ARHGAP1: variants seen among roughly 807,000 people sequenced by gnomAD.
ARHGAP1 encodes the protein Rho GTPase activating protein 1.
A neutral mutation model predicts 52.2 loss-of-function variants in ARHGAP1; 23 were observed. The ratio of observed to expected loss-of-function variants is 0.44; its 90% confidence interval spans 0.32 to 0.62. The LOEUF (loss-of-function observed/expected upper bound fraction) is 0.62, where lower values mean the gene tolerates loss of function less well. Ranked by LOEUF, ARHGAP1 falls within the 20% of genes least tolerant of loss-of-function variation. The pLI, the probability that ARHGAP1 is intolerant of heterozygous loss-of-function variation, is 0.05. For synonymous variants in ARHGAP1, 210 were observed against 228.4 expected, an observed-to-expected ratio of 0.92 and a Z score of 0.73; for missense variants, 480 against 560.9, an observed-to-expected ratio of 0.86 and a Z score of 1.46.
At chr11:46,694,293 C>T (rs2064636173) in intron 3 of ARHGAP1, among the ~76,000 whole-genome samples, 1 of 152,082 alleles carries the variant, frequency 6.6e-6, no homozygotes, top group African/African-American at 2.4e-5. Context: ...GACTCCCAGG[C>T]ACCACCAACT....
chr11:46,690,462 C>T (rs897207783), intron 3 of ARHGAP1, among the ~76,000 whole-genome samples: 3 of 152,066 alleles, frequency 2.0e-5, no homozygotes, highest in African/African-American at 7.2e-5. Context: ...GAACTCCTGG[C>T]TTTAGGTGAT....
intron 4 of ARHGAP1, among the ~76,000 whole-genome samples, chr11:46,684,046 G>A (rs1347907948): frequency 6.6e-6 from 1 of 152,152 alleles, no homozygotes; most frequent in South Asian, 2.1e-4. Context: ...CCAAGGGGAG[G>A]CAGGGAAGGA....
intron 4 of ARHGAP1, among the ~76,000 whole-genome samples, chr11:46,682,571 C>T (rs1341831516): frequency 6.6e-6 from 1 of 152,172 alleles, no homozygotes; most frequent in Non-Finnish European, 1.5e-5. Flanking sequence ...GTAATCCCAG[C>T]TACTCAGGAG....
At chr11:46,690,274 C>T (rs945161048) in intron 3 of ARHGAP1, among the ~76,000 whole-genome samples, 6 of 152,002 alleles carry the variant, frequency 3.9e-5, no homozygotes, top group Admixed American at 6.6e-5. Flanking sequence ...GTAGTCCCAG[C>T]TACTCGGGAG....
At chr11:46,695,339 G>C (rs1291152893) in intron 3 of ARHGAP1, 2 of 393,132 alleles carry the variant, frequency 5.1e-6, no homozygotes, top group African/African-American at 4.2e-5. Context: ...ACATTAGGGT[G>C]GAGGGGTAGG....
intron 4 of ARHGAP1, among the ~76,000 whole-genome samples, chr11:46,684,830 G>A (rs1430917861): frequency 6.6e-6 from 1 of 152,164 alleles, no homozygotes; most frequent in East Asian, 1.9e-4. Context: ...CCTCACGCCT[G>A]TAATCCCAGC....
intron 4 of ARHGAP1, 82 bp downstream of exon 4, chr11:46,688,091 G>C (rs2064584845): frequency 1.4e-6 from 2 of 1,396,288 alleles, no homozygotes; most frequent in Middle Eastern, 1.8e-4. Context: ...CCCACAGGCA[G>C]GGAGGGACAG....
intron 4 of ARHGAP1, among the ~76,000 whole-genome samples, chr11:46,683,793 A>G (rs190956762): frequency 5.9e-4 from 90 of 152,238 alleles, no homozygotes; most frequent in African/African-American, 2.0e-3. Flanking sequence ...GGCATGTGCC[A>G]CCACGCCCAG....
intron 3 of ARHGAP1, chr11:46,695,212 C>A (rs1401312604): frequency 1.4e-5 from 5 of 345,920 alleles, no homozygotes; most frequent in Non-Finnish European, 2.9e-5. Context: ...AGCCATGTGC[C>A]CCCTCCCCAT....
Position 46,680,850 on chromosome 11 carries a change from G to T in ARHGAP1, c.636-103C>A, listed in dbSNP as rs901063418. The T allele has an allele frequency of 1.9e-5, 21 of 1,084,462 alleles. No homozygotes were observed. The South Asian group carries it at 2.9e-4, about 15-fold the overall frequency. 67.2% of individuals were successfully genotyped at this position (1,084,462 alleles called of 1,614,324 possible). A position where few individuals can be genotyped will look rare whatever the true frequency, so the allele number is the denominator to read the frequency against. ...CGCGGGGTCAGGAGGATCATCTCAT[G>T]CGATCTCTGTAACAACTCCGCTTTC... On this transcript the variant is annotated intron_variant, in intron 7 of 12. Transcript: ENST00000311956. This position sits in a 1 kb window ranked among gnomAD's most constrained non-coding sequence, Gnocchi z 5.9.
chr11:46,696,191 C>T lies in ARHGAP1; in HGVS notation c.-49-35G>A, dbSNP rs1040276930. 3 of 1,467,240 alleles carry T rather than the reference C, an allele frequency of 2.0e-6. No homozygotes were observed. The highest frequency in any genetic ancestry group is 2.5e-5 in the East Asian group (1 of 40,450). The allele number at this position is 1,467,240 out of a possible 1,614,324, so 90.9% of individuals were successfully genotyped here. ...AGGAAGACAGGTGGCAGGTCAGTGA[C>T]CTGCTCTTTTCACCTTCTGCGACCT... On this transcript the variant is annotated intron_variant, in intron 1 of 12. Coordinates refer to ENST00000311956, the MANE Select transcript of ARHGAP1 (RefSeq NM_004308.5). The surrounding 1 kb of genome is among the most constrained non-coding windows in gnomAD (Gnocchi z 4.8).
intron 4 of ARHGAP1, among the ~76,000 whole-genome samples, chr11:46,686,376 G>T (rs2064568602): frequency 6.6e-6 from 1 of 152,194 alleles, no homozygotes; most frequent in African/African-American, 2.4e-5. Flanking sequence ...AAGAGGTGCA[G>T]AGCTGAAGTT....
chr11:46,677,917 C>G lies in ARHGAP1; in HGVS notation c.*1120G>C, dbSNP rs545612403. ...CGAGATCGCGCCACTGCACTCCAGCCTGGTGACAGAGCGAGACTCCATCTC... is the reference window on the plus strand; with the variant it reads ...CGAGATCGCGCCACTGCACTCCAGCGTGGTGACAGAGCGAGACTCCATCTC... On this transcript the variant is annotated 3_prime_UTR_variant, in exon 13 of 13. Coordinates refer to ENST00000311956, the MANE Select transcript of ARHGAP1 (RefSeq NM_004308.5). 2.3e-6 allele frequency: 1 copy of G among 434,178 alleles called. No homozygotes were observed. The highest frequency in any genetic ancestry group is 2.7e-5 in the Admixed American group (1 of 36,704). 26.9% of individuals were successfully genotyped at this position (434,178 alleles called of 1,614,324 possible). A position where few individuals can be genotyped will look rare whatever the true frequency, so the allele number is the denominator to read the frequency against.
Position 46,695,957 on chromosome 11 carries a change from G to A in ARHGAP1, c.133+18C>T, listed in dbSNP as rs1322031597. ...CTCTAAAGCGCCTGTAGCTGCCTGA[G>A]ACCAGACACAAGCCCACCTGACTTG... is the stretch of plus-strand genomic sequence containing the variant. On this transcript the variant is annotated intron_variant, in intron 2 of 12. Coordinates refer to ENST00000311956, the MANE Select transcript of ARHGAP1 (RefSeq NM_004308.5). 6.2e-7 allele frequency: 1 copy of A among 1,614,038 alleles called. No homozygotes were observed. The highest frequency in any genetic ancestry group is 1.7e-5 in the Admixed American group (1 of 60,008).
chr11:46,697,110 T>A (rs2064661982), intron 1 of ARHGAP1: 2 of 152,508 alleles, frequency 1.3e-5, no homozygotes, highest in Non-Finnish European at 1.5e-5. Flanking sequence ...GGGATGCTCG[T>A]GATGTCTGGG....
chr11:46,681,318 G>C lies in ARHGAP1; in HGVS notation c.511C>G (p.Leu171Val). 1 of 1,613,778 alleles carries C rather than the reference G, an allele frequency of 6.2e-7. No individual in the cohort carries two copies. Among genetic ancestry groups the C allele is most frequent in the Non-Finnish European group, 8.5e-7 (1 of 1,179,648 alleles). The change falls in exon 6 of 13, where the codon CTC becomes GTC. Residue 171 changes from leucine to valine, a missense_variant. Transcript: ENST00000311956. The surrounding 1 kb of genome is among the most constrained non-coding windows in gnomAD (Gnocchi z 5.7). ...CTGATGAGGGGCTTGAAGAGGATGA[G>C]CAGAGTTTTGATGAACATGGTTGGA... ...VHPTMFIKTL[L>V]ILFKPLISFK...
At chr11:46,683,648 T>G (rs185505442) in intron 4 of ARHGAP1, among the ~76,000 whole-genome samples, 1 of 151,896 alleles carries the variant, frequency 6.6e-6, no homozygotes. Context: ...CTCTCCTTTT[T>G]TTTTTTTTTG....
At chr11:46,683,943 G>A (rs2064548870) in intron 4 of ARHGAP1, among the ~76,000 whole-genome samples, 1 of 152,134 alleles carries the variant, frequency 6.6e-6, no homozygotes, top group South Asian at 2.1e-4. Flanking sequence ...CCCGGCCATA[G>A]AGCCCTCTTT....
At position 46,681,429 on chromosome 11, in the gene ARHGAP1, C is replaced by T. The variant is rs1483770728; in HGVS notation, c.450-50G>A. ...AGGAGCAGGCGTGGTGGGACAGGTG[C>T]CACGCTAGGGTCCCAGTGCATACTT... On this transcript the variant is annotated intron_variant, in intron 5 of 12. Coordinates refer to ENST00000311956, the MANE Select transcript of ARHGAP1 (RefSeq NM_004308.5). This position sits in a 1 kb window ranked among gnomAD's most constrained non-coding sequence, Gnocchi z 5.7. The T allele has an allele frequency of 1.4e-6, 2 of 1,394,308 alleles. No homozygotes were observed. The highest frequency in any genetic ancestry group is 3.4e-5 in the Admixed American group (2 of 59,360). The allele number at this position is 1,394,308 out of a possible 1,614,324, so 86.4% of individuals were successfully genotyped here.
Sources: allele counts gnomAD v4.1 joint callset (sites outside exome capture counted in the v4.1 genomes callset), GRCh38; gene constraint gnomAD v4.1.1; non-coding constraint Gnocchi (gnomAD v3.1); transcripts MANE v1.5; gene names NCBI Gene and HGNC (gene_info 2026-07-23, HGNC 2026-07-21).